XYLB: variants seen among roughly 807,000 people sequenced by gnomAD.
XYLB encodes the protein xylulokinase.
In XYLB, 62 loss-of-function variants were observed where a neutral mutation model predicts 78.7. The ratio of observed to expected loss-of-function variants is 0.79; its 90% CI spans 0.64 to 0.97. XYLB has a LOEUF of 0.97. Ranked by LOEUF, XYLB falls within the 50% of genes least tolerant of loss-of-function variation. The probability of loss-of-function intolerance (pLI) is 0.00; values close to 1 mark genes in which losing one functional copy is unlikely to be tolerated. For missense variants in XYLB, 687 were observed against 676.8 expected, an observed-to-expected ratio of 1.02 and a Z score of -0.17; for synonymous variants, 245 against 247.4, an observed-to-expected ratio of 0.99 and a Z score of 0.09.
chr3:38,365,063 G>A, intron 4 of XYLB, 136 bp from the exon 5 acceptor site: 1 of 709,792 alleles, frequency 1.4e-6, no homozygotes, highest in Non-Finnish European at 2.4e-6. Flanking sequence ...AGGGTGATGA[G>A]CTCTGTGACT....
chr3:38,445,584 T>C, the XYLB span, among the ~76,000 whole-genome samples: 59 of 152,318 alleles, frequency 3.9e-4, no homozygotes, highest in Non-Finnish European at 4.4e-4. Context: ...CTTTGAGAGT[T>C]CCACTCATGG....
chr3:38,448,545 T>G, the XYLB span, among the ~76,000 whole-genome samples: 2 of 152,254 alleles, frequency 1.3e-5, no homozygotes, highest in African/African-American at 4.8e-5. Flanking sequence ...TTTTTCTGCT[T>G]CTTTTGGGTC....
downstream of XYLB, among the ~76,000 whole-genome samples, chr3:38,416,500 A>C (rs1224944719): frequency 6.6e-6 from 1 of 152,222 alleles, no homozygotes; most frequent in Non-Finnish European, 1.5e-5. Flanking sequence ...AAGTTAAATC[A>C]GTACATGTGA....
chr3:38,363,014 C>T lies in XYLB; in HGVS notation c.288C>T (p.Gly96=), dbSNP rs770553712. The part of the protein sequence containing the change: ...FSQVLALSGA[G]QQHGSIYWKA... Reference sequence around the variant, plus strand: ...AAGTCCTAGCCTTGTCCGGGGCGGGCCAGGTTCGTTTGCAGCAGACTCTGT... The same window carrying T: ...AAGTCCTAGCCTTGTCCGGGGCGGGTCAGGTTCGTTTGCAGCAGACTCTGT... The change falls in exon 4 of 19, where the codon GGC becomes GGT. Residue 96 remains glycine (G), a synonymous_variant. Coordinates refer to ENST00000207870, the MANE Select transcript of XYLB (RefSeq NM_005108.4). 1 of 1,549,274 alleles carries T rather than the reference C, an allele frequency of 6.5e-7. No individual in the cohort carries two copies. Among genetic ancestry groups the T allele is most frequent in the Non-Finnish European group, 8.7e-7 (1 of 1,144,070 alleles).
intron 12 of XYLB, 28 bp from the exon 13 acceptor site, chr3:38,376,089 T>G (rs1415601150): frequency 6.0e-6 from 9 of 1,491,122 alleles, no homozygotes; most frequent in Non-Finnish European, 8.4e-6. Flanking sequence ...ACCAGCTCCC[T>G]CCCTCAGAGC....
the XYLB span, among the ~76,000 whole-genome samples, chr3:38,448,022 G>A: frequency 6.6e-6 from 1 of 151,990 alleles, no homozygotes; most frequent in Admixed American, 6.6e-5. Context: ...TTTGAGACCA[G>A]CCTGGGCAAC....
In XYLB at chr3:38,372,644, C is replaced by T; in HGVS notation, c.766-11C>T. 6.2e-7 allele frequency: 1 copy of T among 1,614,060 alleles called. No individual in the cohort carries two copies. The highest frequency in any genetic ancestry group is 1.3e-5 in the African/African-American group (1 of 75,016). ...TCAACAGAGCACCTTTGCTTTGTCC[C>T]CGTCCCTCAGGGAGCCATTTCTTCC... On this transcript the variant is annotated splice_polypyrimidine_tract_variant and intron_variant, in intron 9 of 18. Coordinates refer to ENST00000207870, the MANE Select transcript of XYLB (RefSeq NM_005108.4).
chr3:38,395,381 G>C (rs1416251556), intron 15 of XYLB, 124 bp from the exon 16 acceptor site: 5 of 818,228 alleles, frequency 6.1e-6, no homozygotes, highest in Non-Finnish European at 1.0e-5. Context: ...CCGTAGTCCT[G>C]TGTGATAAGT....
chr3:38,432,982 T>C, the XYLB span, among the ~76,000 whole-genome samples: 1 of 152,106 alleles, frequency 6.6e-6, no homozygotes, highest in African/African-American at 2.4e-5. Context: ...TCTGTGGGGG[T>C]TCCAACCCCA....
At chr3:38,420,174 C>T (rs971910429) in exon 18 of XYLB, among the ~76,000 whole-genome samples, 3 of 152,168 alleles carry the variant, frequency 2.0e-5, no homozygotes, top group Admixed American at 6.5e-5. Context: ...AATTCACTTA[C>T]TAGTTATGGT....
intron 15 of XYLB, among the ~76,000 whole-genome samples, chr3:38,391,656 A>G (rs1015854739): frequency 6.6e-6 from 1 of 152,086 alleles, no homozygotes; most frequent in South Asian, 2.1e-4. Flanking sequence ...TTAATCCCCA[A>G]TGTGACAGTG....
chr3:38,415,696 T>C (rs1383198724), downstream of XYLB, among the ~76,000 whole-genome samples: 1 of 152,134 alleles, frequency 6.6e-6, no homozygotes, highest in African/African-American at 2.4e-5. Flanking sequence ...GGCACGAGAA[T>C]TGCTTGAACC....
At chr3:38,375,346 A>AGAG in intron 12 of XYLB, 87 bp downstream of exon 12, 3 of 1,175,742 alleles carry the variant, frequency 2.6e-6, no homozygotes, top group Non-Finnish European at 3.7e-6. Context: ...AAGTCATTCC[A>AGAG]CTAAGCTCTG....
At chr3:38,421,759 C>T (rs1708985997), downstream of XYLB, among the ~76,000 whole-genome samples, 1 of 152,130 alleles carries the variant, frequency 6.6e-6, no homozygotes, top group African/African-American at 2.4e-5. Context: ...AGTTTGCTTG[C>T]CAGCTAAAGC....
chr3:38,379,129 A>G lies in XYLB; in HGVS notation c.1195-117A>G, dbSNP rs1217603882. 8.1e-6 allele frequency: 8 copies of G among 988,262 alleles called. No homozygotes were observed. In the Admixed American group the frequency reaches 1.1e-4, roughly 14 times the overall value. 61.2% of individuals were successfully genotyped at this position (988,262 alleles called of 1,614,324 possible). ...GGCAAAGATAGTGGTTAAAGAGCCC[A>G]GCTATGAGTTTCAAATCTGGGCTGT... On this transcript the variant is annotated intron_variant, in intron 14 of 18. Transcript: ENST00000207870.
At chr3:38,370,947 G>C (rs2125592623) in intron 9 of XYLB, among the ~76,000 whole-genome samples, 1 of 152,230 alleles carries the variant, frequency 6.6e-6, no homozygotes, top group East Asian at 1.9e-4. Flanking sequence ...TTACCACAGA[G>C]CCAGAACAAC....
intron 18 of XYLB, among the ~76,000 whole-genome samples, chr3:38,406,292 G>T (rs996516395): frequency 1.3e-4 from 20 of 152,326 alleles, no homozygotes; most frequent in East Asian, 1.9e-4. Flanking sequence ...GGAGTGGACC[G>T]CTAGCAAACT....
the XYLB span, among the ~76,000 whole-genome samples, chr3:38,443,887 C>A: frequency 6.6e-6 from 1 of 152,140 alleles, no homozygotes; most frequent in African/African-American, 2.4e-5. Flanking sequence ...TCTCCTTAGT[C>A]CTTCTAGAAC....
chr3:38,395,457 C>G (rs1474940785), intron 15 of XYLB, 48 bp from the exon 16 acceptor site: 1 of 1,597,352 alleles, frequency 6.3e-7, no homozygotes, highest in Non-Finnish European at 8.6e-7. Flanking sequence ...CCCTTTCTGC[C>G]TTGGGAGAAC....
Sources: allele counts gnomAD v4.1 joint callset (sites outside exome capture counted in the v4.1 genomes callset), GRCh38; gene constraint gnomAD v4.1.1; transcripts MANE v1.5; gene names NCBI Gene and HGNC (gene_info 2026-07-23, HGNC 2026-07-21).